The following SLC6A11 variants were observed in gnomAD, a reference collection of about 807,000 sequenced individuals.
SLC6A11 encodes the protein sodium- and chloride-dependent GABA transporter 3.
SLC6A11 carries 25 observed loss-of-function variants against 74.8 expected under a neutral mutation model. The ratio of observed to expected loss-of-function variants is 0.33; its 90% CI spans 0.24 to 0.47. SLC6A11 has a LOEUF of 0.47. SLC6A11 is among the 20% of genes least tolerant of loss of function. The pLI, the probability that SLC6A11 is intolerant of heterozygous loss-of-function variation, is 1.00. For synonymous variants in SLC6A11, 330 were observed against 330.2 expected, an observed-to-expected ratio of 1.00 and a Z score of 0.01; for missense variants, 574 against 837.0, an observed-to-expected ratio of 0.69 and a Z score of 3.88.
chr3:10,842,967 G>A (rs1427738175), intron 4 of SLC6A11, among the ~76,000 whole-genome samples: 1 of 152,138 alleles, frequency 6.6e-6, no homozygotes, highest in African/African-American at 2.4e-5. Context: ...ACTGAGGGTG[G>A]CTTTCATGCT....
At chr3:10,910,549 G>A (rs1409102700) in intron 6 of SLC6A11, among the ~76,000 whole-genome samples, 3 of 152,130 alleles carry the variant, frequency 2.0e-5, no homozygotes, top group Non-Finnish European at 4.4e-5. Flanking sequence ...GTCACTGGTG[G>A]TAAGCAAGCA....
chr3:10,823,245 G>T lies in SLC6A11; in HGVS notation c.533-57G>T, dbSNP rs185571892. 2.3e-6 allele frequency: 3 copies of T among 1,307,458 alleles called. No individual in the cohort carries two copies. The East Asian group carries it at 6.9e-5, about 30-fold the overall frequency. The allele number at this position is 1,307,458 out of a possible 1,614,324, so 81.0% of individuals were successfully genotyped here. ...CGCATCAGCTCTGAATGTTTTTCAG[G>T]ATTCAGCTTTCATGGAGATTAATTT... On this transcript the variant is annotated intron_variant, in intron 3 of 13. Transcript: ENST00000254488.
chr3:10,845,118 C>T (rs181596809), intron 5 of SLC6A11, among the ~76,000 whole-genome samples: 12 of 152,270 alleles, frequency 7.9e-5, no homozygotes, highest in Non-Finnish European at 1.0e-4. Flanking sequence ...TTTCAAAAGG[C>T]GGAGAGGGGA....
At chr3:10,902,653 T>C (rs933601755) in intron 6 of SLC6A11, among the ~76,000 whole-genome samples, 1 of 152,236 alleles carries the variant, frequency 6.6e-6, no homozygotes, top group Non-Finnish European at 1.5e-5. Context: ...AGCTCCAAGC[T>C]GGGTCTGCTG....
intron 12 of SLC6A11, 79 bp downstream of exon 12, chr3:10,934,245 C>T (rs1695728798): frequency 3.1e-6 from 3 of 975,310 alleles, no homozygotes; most frequent in Non-Finnish European, 4.9e-6. Context: ...CTCCGTAGCC[C>T]CCACCCTGGC....
chr3:10,937,084 A>G (rs1430461065), intron 13 of SLC6A11, among the ~76,000 whole-genome samples: 1 of 152,160 alleles, frequency 6.6e-6, no homozygotes, highest in Non-Finnish European at 1.5e-5. Flanking sequence ...AAAAATGAGG[A>G]CAGAGGTGCG....
At position 10,918,713 on chromosome 3, in the gene SLC6A11, A is replaced by G. The variant is rs961828407; in HGVS notation, c.1120+260A>G. Among the ~76,000 whole-genome samples the G allele has an allele frequency of 6.6e-6, 1 of 151,858 alleles. No homozygotes were observed. The highest frequency in any genetic ancestry group is 1.5e-5 in the Non-Finnish European group (1 of 67,976). On this transcript the variant is annotated intron_variant, in intron 8 of 13. Coordinates refer to ENST00000254488, the MANE Select transcript of SLC6A11 (RefSeq NM_014229.3). The surrounding 1 kb of genome is among the most constrained non-coding windows in gnomAD (Gnocchi z 4.5). The stretch of plus-strand genomic sequence containing the variant: ...ACTTCATTCATTTCTCCCAAGCTTC[A>G]CCGTCTCCCCACTAGCCCGGACCAC...
chr3:10,859,451 C>T (rs1204542970), intron 5 of SLC6A11, among the ~76,000 whole-genome samples: 1 of 151,996 alleles, frequency 6.6e-6, no homozygotes, highest in Non-Finnish European at 1.5e-5. Context: ...GCAAGTAGAC[C>T]CATTAATGTC....
chr3:10,820,176 A>T (rs191394827), intron 3 of SLC6A11, among the ~76,000 whole-genome samples: 47 of 152,316 alleles, frequency 3.1e-4, no homozygotes, highest in African/African-American at 1.1e-3. Context: ...ACTTAGACTC[A>T]GGGGACTAGA....
chr3:10,922,322 CA>C (rs1260754605), intron 8 of SLC6A11, among the ~76,000 whole-genome samples: 1 of 152,128 alleles, frequency 6.6e-6, no homozygotes, highest in African/African-American at 2.4e-5. Flanking sequence ...TTAGCTTCAT[CA>C]ATGCTTAAAA....
intron 6 of SLC6A11, among the ~76,000 whole-genome samples, chr3:10,882,013 G>A (rs902387910): frequency 6.6e-6 from 1 of 152,198 alleles, no homozygotes; most frequent in African/African-American, 2.4e-5. Context: ...CTGGGAGGGT[G>A]CTCCTGCCCC....
In SLC6A11 at chr3:10,845,757, TC is replaced by T. The variant is rs1694494921; in HGVS notation, c.756+1413del. Among the ~76,000 whole-genome samples the T allele has an allele frequency of 5.3e-5, 8 of 152,356 alleles. No homozygotes were observed. The South Asian group carries it at 1.7e-3, about 32-fold the overall frequency. ...GAAAGTAGAGCAGAGACTCTCATGT[TC>T]CTTCAGCCAAGGTGATTTTGCTTAT... is the stretch of plus-strand genomic sequence containing the variant. On this transcript the variant is annotated intron_variant, in intron 5 of 13. Coordinates refer to ENST00000254488, the MANE Select transcript of SLC6A11 (RefSeq NM_014229.3).
At chr3:10,928,157 G>A (rs1349549839) in intron 9 of SLC6A11, among the ~76,000 whole-genome samples, 1 of 152,090 alleles carries the variant, frequency 6.6e-6, no homozygotes, top group Admixed American at 6.5e-5. Context: ...CACATCGCAG[G>A]TATGATATGT....
chr3:10,919,891 C>A (rs760811936), intron 8 of SLC6A11, among the ~76,000 whole-genome samples: 4 of 152,188 alleles, frequency 2.6e-5, no homozygotes, highest in Non-Finnish European at 5.9e-5. Context: ...AGGCTGGAAG[C>A]AAGAGAGCTG....
At chr3:10,916,296 C>T (rs1249868412) in intron 7 of SLC6A11, among the ~76,000 whole-genome samples, 1 of 152,156 alleles carries the variant, frequency 6.6e-6, no homozygotes, top group Admixed American at 6.5e-5. Flanking sequence ...ATTCACAGTA[C>T]CAGAAGAGTT....
rs1368877633 is a variant in SLC6A11, at chr3:10,929,263, G to A, written c.1295G>A (p.Arg432Lys). The A allele has an allele frequency of 2.5e-6, 4 of 1,614,136 alleles. No individual in the cohort carries two copies. In the South Asian group the frequency reaches 3.3e-5, roughly 13 times the overall value. ...GACATGTACCCCAAGGTTTTCCGGA[G>A]GGGTTACCGGCGGGAGCTGCTCATC... The part of the protein sequence containing the change: ...VVDMYPKVFR[R>K]GYRRELLILA... Residue 432 changes from arginine to lysine, a missense_variant, in exon 10 of 14, where the codon AGG becomes AAG. By Grantham distance (26) the Arg-to-Lys change is conservative. Coordinates refer to ENST00000254488, the MANE Select transcript of SLC6A11 (RefSeq NM_014229.3).
At chr3:10,871,548 G>A (rs1242369879) in intron 5 of SLC6A11, among the ~76,000 whole-genome samples, 1 of 152,064 alleles carries the variant, frequency 6.6e-6, no homozygotes, top group Non-Finnish European at 1.5e-5. Flanking sequence ...GGTTGGGGGG[G>A]AGGGGGTGAT....
intron 3 of SLC6A11, among the ~76,000 whole-genome samples, chr3:10,820,143 G>T (rs1034307596): frequency 1.3e-5 from 2 of 152,194 alleles, no homozygotes; most frequent in African/African-American, 4.8e-5. Context: ...GGGGCAGGAT[G>T]GGGGTGTGAG....
At chr3:10,860,915 A>G (rs1245627514) in intron 5 of SLC6A11, among the ~76,000 whole-genome samples, 1 of 152,242 alleles carries the variant, frequency 6.6e-6, no homozygotes, top group Non-Finnish European at 1.5e-5. Flanking sequence ...CATATACATA[A>G]GAGGTTGAAA....
Sources: allele counts gnomAD v4.1 joint callset (sites outside exome capture counted in the v4.1 genomes callset), GRCh38; gene constraint gnomAD v4.1.1; non-coding constraint Gnocchi (gnomAD v3.1); transcripts MANE v1.5; gene names NCBI Gene and HGNC (gene_info 2026-07-23, HGNC 2026-07-21).